Variants in DCAF17 observed in about 807,000 individuals in gnomAD.
DCAF17 encodes the protein DDB1- and CUL4-associated factor 17.
DCAF17 carries 48 observed loss-of-function variants against 66.0 expected under a neutral mutation model. That is an observed-to-expected ratio of 0.73 (90% CI 0.58 to 0.92). The LOEUF is 0.92. DCAF17 is among the 40% of genes least tolerant of loss of function. DCAF17 has a pLI of 0.00. For missense variants in DCAF17, 562 were observed against 622.8 expected, an observed-to-expected ratio of 0.90 and a Z score of 1.04; for synonymous variants, 206 against 214.6, an observed-to-expected ratio of 0.96 and a Z score of 0.35.
intron 8 of DCAF17, 26 bp downstream of exon 8, chr2:171,458,503 C>A: frequency 1.3e-6 from 2 of 1,545,076 alleles, no homozygotes; most frequent in Non-Finnish European, 1.8e-6. Context: ...AGTATTTTTT[C>A]ACCTTAAAAA....
At chr2:171,467,592 G>A (rs1695979514) in intron 8 of DCAF17, among the ~76,000 whole-genome samples, 1 of 150,022 alleles carries the variant, frequency 6.7e-6, no homozygotes, top group African/African-American at 2.5e-5. Flanking sequence ...TACTTAGGAG[G>A]TTGTAATACT....
chr2:171,464,114 T>A (rs1011261842), intron 8 of DCAF17, among the ~76,000 whole-genome samples: 4 of 152,206 alleles, frequency 2.6e-5, no homozygotes, highest in African/African-American at 9.7e-5. Flanking sequence ...TTAGAGAATT[T>A]CCTCGCTTTC....
chr2:171,462,879 G>C (rs935739864), intron 8 of DCAF17, among the ~76,000 whole-genome samples: 1 of 152,136 alleles, frequency 6.6e-6, no homozygotes. Flanking sequence ...AGTGGCATTA[G>C]TATTATTATA....
In DCAF17 at chr2:171,443,899, A is replaced by G. The variant is rs116868307; in HGVS notation, c.321+286A>G. ...AAAGTTATATAAGCAGCATAAGCTA[A>G]TGTATAATTATCTTAGTGTTTAAGA... is the stretch of plus-strand genomic sequence containing the variant. On this transcript the variant is annotated intron_variant, in intron 3 of 13. Transcript: ENST00000375255. 1.5e-3 allele frequency among the ~76,000 whole-genome samples: 225 copies of G among 152,316 alleles called. 4 individuals carry two copies. The East Asian group carries it at 0.016, about 11-fold the overall frequency.
Position 171,434,680 on chromosome 2 carries a change from A to G in DCAF17, c.103A>G (p.Ile35Val). ...CGTGGTGCAGAGGACCAACCTGGGC[A>G]TCCTGCGGGCGCTGGTGTGCCAGGT... is the stretch of plus-strand genomic sequence containing the variant. ...AGVVQRTNLGILRALVCQEST... is the reference protein window; with the variant it reads ...AGVVQRTNLGVLRALVCQEST... The change falls in exon 1 of 14, where the codon ATC becomes GTC. Residue 35 changes from isoleucine to valine, a missense_variant. Physicochemically the swap from Ile to Val is conservative, Grantham distance 29 (BLOSUM62 3). This residue lies in a region of DCAF17 where 348 missense variants were observed against 355.9 expected (regional missense o/e 0.98). Coordinates refer to ENST00000375255, the MANE Select transcript of DCAF17 (RefSeq NM_025000.4). 1 of 1,505,574 alleles carries G rather than the reference A, an allele frequency of 6.6e-7. No homozygotes were observed. The highest frequency in any genetic ancestry group is 8.8e-7 in the Non-Finnish European group (1 of 1,136,264). 93.3% of individuals were successfully genotyped at this position (1,505,574 alleles called of 1,614,324 possible).
chr2:171,447,720 T>A (rs964031730), intron 3 of DCAF17, among the ~76,000 whole-genome samples: 1 of 152,242 alleles, frequency 6.6e-6, no homozygotes, highest in African/African-American at 2.4e-5. Flanking sequence ...TAGGCTGATA[T>A]CGAACTCCTG....
chr2:171,458,629 T>C (rs1320442471), intron 8 of DCAF17, 152 bp downstream of exon 8: 22 of 667,898 alleles, frequency 3.3e-5, no homozygotes, highest in Non-Finnish European at 5.6e-5. Context: ...TATTCAATAA[T>C]GAATAAGCTT....
In DCAF17 at chr2:171,454,591, A is replaced by T. The variant is rs574098032; in HGVS notation, c.627+1378A>T. ...AAGCCACCGCGCCTGGCCAGCACTC[A>T]TTATTTTAAAATATGTTTGAATTGG... On this transcript the variant is annotated intron_variant, in intron 6 of 13. Coordinates refer to ENST00000375255, the MANE Select transcript of DCAF17 (RefSeq NM_025000.4). 1.1e-4 allele frequency among the ~76,000 whole-genome samples: 17 copies of T among 152,164 alleles called. No homozygotes were observed. The South Asian group carries it at 1.2e-3, about 11-fold the overall frequency.
chr2:171,482,824 C>T lies in DCAF17; in HGVS notation c.*1710C>T. ...TTTGCTGGGGGTAGATGGTGGAATACTTCTGGTCTAGATATAACTTACCAC... is the reference window on the plus strand; with the variant it reads ...TTTGCTGGGGGTAGATGGTGGAATATTTCTGGTCTAGATATAACTTACCAC... On this transcript the variant is annotated 3_prime_UTR_variant, in exon 14 of 14. Coordinates refer to ENST00000375255, the MANE Select transcript of DCAF17 (RefSeq NM_025000.4). The T allele has an allele frequency of 2.2e-6, 1 of 454,044 alleles. No individual in the cohort carries two copies. Among genetic ancestry groups the T allele is most frequent in the Non-Finnish European group, 4.4e-6 (1 of 226,782 alleles). 28.1% of individuals were successfully genotyped at this position (454,044 alleles called of 1,614,324 possible).
At chr2:171,456,254 A>G (rs1349608673) in intron 6 of DCAF17, among the ~76,000 whole-genome samples, 1 of 152,168 alleles carries the variant, frequency 6.6e-6, no homozygotes, top group East Asian at 1.9e-4. Flanking sequence ...TCCCAGCACC[A>G]CAGGGAATCC....
chr2:171,444,902 G>C (rs1694527500), intron 3 of DCAF17, among the ~76,000 whole-genome samples: 4 of 151,876 alleles, frequency 2.6e-5, no homozygotes, highest in Non-Finnish European at 1.5e-5. Context: ...CTTATTGTCT[G>C]TTCACTGAAG....
rs747441331 is a variant in DCAF17 at position 171,481,625 on chromosome 2, C to T, written c.*511C>T. 8 of 453,806 alleles carry T rather than the reference C, an allele frequency of 1.8e-5. No individual in the cohort carries two copies. Among genetic ancestry groups the T allele is most frequent in the South Asian group, 1.2e-4 (8 of 64,414 alleles). 28.1% of individuals were successfully genotyped at this position (453,806 alleles called of 1,614,324 possible). ...ATTTTGAGCCCAAAATGTGTCATCACAGTTTTTAAAAATCTTATATATGTA... is the reference window on the plus strand; with the variant it reads ...ATTTTGAGCCCAAAATGTGTCATCATAGTTTTTAAAAATCTTATATATGTA... On this transcript the variant is annotated 3_prime_UTR_variant, in exon 14 of 14. Transcript: ENST00000375255.
At chr2:171,452,560 C>T (rs1401995186) in intron 5 of DCAF17, among the ~76,000 whole-genome samples, 1 of 152,088 alleles carries the variant, frequency 6.6e-6, no homozygotes, top group South Asian at 2.1e-4. Context: ...CTGAAGTGCT[C>T]CTCTCACGTC....
intron 4 of DCAF17, 87 bp from the exon 5 acceptor site, chr2:171,449,792 A>T: frequency 1.2e-6 from 1 of 835,538 alleles, no homozygotes; most frequent in Admixed American, 3.0e-5. Context: ...TAACTAAAAA[A>T]TAGTTTACTT....
chr2:171,434,682 C>T lies in DCAF17; in HGVS notation c.105C>T (p.Ile35=), dbSNP rs1357855686. The change falls in exon 1 of 14, where the codon ATC becomes ATT. Residue 35 remains isoleucine, a synonymous_variant. Transcript: ENST00000375255. ...AGVVQRTNLG[I]LRALVCQEST... ...TGGTGCAGAGGACCAACCTGGGCAT[C>T]CTGCGGGCGCTGGTGTGCCAGGTGA... 3 of 1,503,000 alleles carry T rather than the reference C, an allele frequency of 2.0e-6. No homozygotes were observed. The highest frequency in any genetic ancestry group is 2.6e-6 in the Non-Finnish European group (3 of 1,134,996). 93.1% of individuals were successfully genotyped at this position (1,503,000 alleles called of 1,614,324 possible). A position where few individuals can be genotyped will look rare whatever the true frequency, so the allele number is the denominator to read the frequency against.
chr2:171,448,723 A>C lies in DCAF17; in HGVS notation c.364A>C (p.Ile122Leu). The part of the protein sequence containing the change: ...PNSSDYKSSL[I>L]ALTAHNWLLR... ...TTCATCAGATTATAAGTCCTCACTC[A>C]TAGCACTGACTGCTCATAATTGGCT... The change falls in exon 4 of 14, where the codon ATA becomes CTA. Residue 122 changes from isoleucine to leucine, a missense_variant. Physicochemically the swap from Ile to Leu is conservative, Grantham distance 5 (BLOSUM62 2). Coordinates refer to ENST00000375255, the MANE Select transcript of DCAF17 (RefSeq NM_025000.4). 1.9e-6 allele frequency: 3 copies of C among 1,613,212 alleles called. No homozygotes were observed. Among genetic ancestry groups the C allele is most frequent in the South Asian group, 2.2e-5 (2 of 91,004 alleles).
At chr2:171,451,631 C>T (rs551697665) in intron 5 of DCAF17, among the ~76,000 whole-genome samples, 2 of 152,130 alleles carry the variant, frequency 1.3e-5, no homozygotes, top group Non-Finnish European at 2.9e-5. Context: ...GCTAGAGTGT[C>T]GTGGTGAGCT....
chr2:171,463,846 C>CT (rs1695740036), intron 8 of DCAF17, among the ~76,000 whole-genome samples: 1 of 152,170 alleles, frequency 6.6e-6, no homozygotes, highest in Non-Finnish European at 1.5e-5. Flanking sequence ...TAGAGATAAA[C>CT]TGTATTTCCT....
In DCAF17 at chr2:171,467,727, CAAAAAAA is replaced by C. The variant is rs34238683; in HGVS notation, c.839-1140_839-1134del. 9.7e-3 allele frequency among the ~76,000 whole-genome samples: 668 copies of C among 68,708 alleles called. 5 individuals are homozygous for C. The highest frequency in any genetic ancestry group is 0.022 in the Middle Eastern group (3 of 136). The allele number at this position is 68,708 out of a possible 152,430, so 45.1% of individuals were successfully genotyped here. A position where few individuals can be genotyped will look rare whatever the true frequency, so the allele number is the denominator to read the frequency against. On this transcript the variant is annotated intron_variant, in intron 8 of 13. Transcript: ENST00000375255. ...CCTAGGTGACAGAGCGAGACTGTCT[CAAAAAAA>C]AAAAAAAAAAAAAAAAAAAAGTTGT... is the stretch of plus-strand genomic sequence containing the variant.
Sources: allele counts gnomAD v4.1 joint callset (sites outside exome capture counted in the v4.1 genomes callset), GRCh38; gene constraint gnomAD v4.1.1; regional missense constraint gnomAD v4.1.1; transcripts MANE v1.5; gene names NCBI Gene and HGNC (gene_info 2026-07-23, HGNC 2026-07-21).